ITGA3: variants seen among roughly 807,000 people sequenced by gnomAD.
The protein encoded by ITGA3 is integrin subunit alpha 3.
ITGA3 carries 70 observed loss-of-function variants against 131.1 expected under a neutral mutation model. That is an observed-to-expected ratio of 0.53 (90% CI 0.44 to 0.65). The LOEUF (loss-of-function observed/expected upper bound fraction) is 0.65, where lower values mean the gene tolerates loss of function less well. ITGA3 is among the 30% of genes least tolerant of loss of function. The pLI is 0.00. For synonymous variants in ITGA3, 537 were observed against 571.6 expected, an observed-to-expected ratio of 0.94 and a Z score of 0.86; for missense variants, 1,098 against 1,388.6, an observed-to-expected ratio of 0.79 and a Z score of 3.33.
chr17:50,068,814 TTTTATTTATTTATTTATTTA>T (rs373411924), intron 4 of ITGA3, among the ~76,000 whole-genome samples: 1 of 118,704 alleles, frequency 8.4e-6, no homozygotes, highest in Admixed American at 9.0e-5. Flanking sequence ...AATCAGTCTT[TTTTATTTATTTATTTATTTA>T]TTTATTTATT....
rs981868679 is a variant in ITGA3 at position 50,087,770 on chromosome 17, G to A, written c.2946G>A (p.Leu982=). Residue 982 remains leucine, a synonymous_variant, in exon 24 of 26, where the codon CTG becomes CTA. Transcript: ENST00000320031. Reference sequence around the variant, plus strand: ...TCTCTGTGGACATTGACTCGGAGCTGGTGGAGGAGCTGCCGGCCGAAATCG... The same window carrying A: ...TCTCTGTGGACATTGACTCGGAGCTAGTGGAGGAGCTGCCGGCCGAAATCG... ...TWFSVDIDSE[L]VEELPAEIEL... The A allele has an allele frequency of 6.2e-7, 1 of 1,613,368 alleles. No individual in the cohort carries two copies. The highest frequency in any genetic ancestry group is 8.5e-7 in the Non-Finnish European group (1 of 1,179,834).
At chr17:50,073,618 A>G (rs1017624970) in intron 7 of ITGA3, among the ~76,000 whole-genome samples, 22 of 137,312 alleles carry the variant, frequency 1.6e-4, no homozygotes, top group Non-Finnish European at 2.5e-4. Flanking sequence ...ACACACACAC[A>G]CACACACACA....
intron 10 of ITGA3, 62 bp downstream of exon 10, chr17:50,074,596 C>G (rs1163783287): frequency 1.2e-5 from 14 of 1,167,542 alleles, no homozygotes; most frequent in Non-Finnish European, 1.7e-5. Context: ...GGGGCTGCAG[C>G]TCCCAAACCC....
chr17:50,064,768 C>G lies in ITGA3; in HGVS notation c.414+161C>G, dbSNP rs373846956. ...GTGGCTGTGTGTCCCTCGCTCTCTG[C>G]ACTCCTGGGGAGGGGGTGAGTATCC... On this transcript the variant is annotated intron_variant, in intron 3 of 25. Transcript: ENST00000320031. This position sits in a 1 kb window ranked among gnomAD's most constrained non-coding sequence, Gnocchi z 4.4. 1 of 592,038 alleles carries G rather than the reference C, an allele frequency of 1.7e-6. No individual in the cohort carries two copies. 36.7% of individuals were successfully genotyped at this position (592,038 alleles called of 1,614,324 possible). A position where few individuals can be genotyped will look rare whatever the true frequency, so the allele number is the denominator to read the frequency against.
chr17:50,081,650 G>A (rs1301194508), intron 23 of ITGA3, among the ~76,000 whole-genome samples: 2 of 152,174 alleles, frequency 1.3e-5, no homozygotes, highest in Non-Finnish European at 2.9e-5. Flanking sequence ...TGTGCAGCCA[G>A]GGCTGAGAAC....
At chr17:50,083,630 A>G (rs1006704159) in intron 23 of ITGA3, among the ~76,000 whole-genome samples, 4 of 150,912 alleles carry the variant, frequency 2.7e-5, no homozygotes, top group African/African-American at 9.8e-5. Flanking sequence ...AGGCTGAGGC[A>G]GGAGAATCGC....
chr17:50,085,442 A>C (rs1909345136), intron 23 of ITGA3, among the ~76,000 whole-genome samples: 1 of 151,770 alleles, frequency 6.6e-6, no homozygotes, highest in African/African-American at 2.4e-5. Context: ...AGGCAGGTGG[A>C]CCACTTGAGG....
intron 4 of ITGA3, among the ~76,000 whole-genome samples, chr17:50,068,814 T>TTTTATTTA (rs373411924): frequency 0.026 from 3,066 of 118,620 alleles, 51 homozygotes; most frequent in Admixed American, 0.04. Context: ...AATCAGTCTT[T>TTTTATTTA]TTTATTTATT....
At chr17:50,069,493 T>C (rs1156597746) in intron 4 of ITGA3, among the ~76,000 whole-genome samples, 1 of 152,014 alleles carries the variant, frequency 6.6e-6, no homozygotes, top group African/African-American at 2.4e-5. Context: ...TAGGGAGACC[T>C]TGTCTCTACA....
At position 50,064,252 on chromosome 17, in the gene ITGA3, G is replaced by C; in HGVS notation, c.334+48G>C. On this transcript the variant is annotated intron_variant, in intron 2 of 25. Transcript: ENST00000320031. The surrounding 1 kb of genome is among the most constrained non-coding windows in gnomAD (Gnocchi z 4.4). ...GGGTGCTGGGTCAGAGGTCTGGCAG[G>C]GGGGTACCGCAGAGAGAATGGCCTG... is the stretch of plus-strand genomic sequence containing the variant. 2 of 1,571,194 alleles carry C rather than the reference G, an allele frequency of 1.3e-6. No homozygotes were observed. Among genetic ancestry groups the C allele is most frequent in the African/African-American group, 1.3e-5 (1 of 74,230 alleles).
chr17:50,088,115 A>G, intron 24 of ITGA3, 110 bp from the exon 25 acceptor site: 1 of 1,398,914 alleles, frequency 7.1e-7, no homozygotes, highest in Non-Finnish European at 9.5e-7. Flanking sequence ...GCTGGGACTG[A>G]GCCCCAGCCC....
At chr17:50,063,784 C>T (rs974305763) in intron 1 of ITGA3, 1 of 402,126 alleles carries the variant, frequency 2.5e-6, no homozygotes, top group African/African-American at 2.0e-5. Context: ...ACCTGGAGAA[C>T]CCTGGTGATT....
chr17:50,087,523 A>G (rs1372910153), intron 23 of ITGA3: 2 of 493,922 alleles, frequency 4.0e-6, no homozygotes, highest in Admixed American at 3.2e-5. Flanking sequence ...CACCTCCCAG[A>G]TCTGAGGCCG....
chr17:50,078,856 G>A lies in ITGA3; in HGVS notation c.2330G>A (p.Gly777Glu), dbSNP rs1476552390. Reference sequence around the variant, plus strand: ...CACCGGCTACAAAGCTTCTTTGGGGGGACAGTGATGGGTGAGTCTGGCATG... The same window carrying A: ...CACCGGCTACAAAGCTTCTTTGGGGAGACAGTGATGGGTGAGTCTGGCATG... ...VNHRLQSFFGGTVMGESGMKT... is the reference protein window; with the variant it reads ...VNHRLQSFFGETVMGESGMKT... Residue 777 changes from glycine to glutamate, a missense_variant, in exon 19 of 26, where the codon GGG becomes GAG. By Grantham distance (98) the Gly-to-Glu change is moderately conservative. Coordinates refer to ENST00000320031, the MANE Select transcript of ITGA3 (RefSeq NM_002204.4). The A allele has an allele frequency of 6.2e-7, 1 of 1,613,016 alleles. No individual in the cohort carries two copies. Among genetic ancestry groups the A allele is most frequent in the Admixed American group, 1.7e-5 (1 of 60,016 alleles).
chr17:50,087,305 G>C (rs1444521751), intron 23 of ITGA3: 1 of 156,634 alleles, frequency 6.4e-6, no homozygotes, highest in Non-Finnish European at 1.4e-5. Flanking sequence ...TAGCAAACCT[G>C]GGCTAGAACC....
Position 50,074,470 on chromosome 17 carries a change from G to T in ITGA3, c.1405G>T (p.Val469Phe). The change falls in exon 10 of 26, where the codon GTC (valine) becomes TTC (phenylalanine). Residue 469 changes from valine (V) to phenylalanine (F), a missense_variant. Around this residue, in one of 3 missense-constraint regions of ITGA3, gnomAD observed 699 missense variants for 829.2 expected, o/e 0.84. Coordinates refer to ENST00000320031, the MANE Select transcript of ITGA3 (RefSeq NM_002204.4). ...LLRARPVINIVHKTLVPRPAV... is the reference protein window; with the variant it reads ...LLRARPVINIFHKTLVPRPAV... Reference sequence around the variant, plus strand: ...CAGGGCCCGGCCCGTCATCAACATCGTCCACAAGACCTTGGTGCCCAGGCC... The same window carrying T: ...CAGGGCCCGGCCCGTCATCAACATCTTCCACAAGACCTTGGTGCCCAGGCC... The T allele has an allele frequency of 1.2e-6, 2 of 1,614,018 alleles. No individual in the cohort carries two copies. The highest frequency in any genetic ancestry group is 2.2e-5 in the South Asian group (2 of 91,082).
chr17:50,075,611 C>G lies in ITGA3; in HGVS notation c.1550C>G (p.Thr517Ser). The G allele has an allele frequency of 2.5e-6, 4 of 1,614,254 alleles. No individual in the cohort carries two copies. The highest frequency in any genetic ancestry group is 3.4e-6 in the Non-Finnish European group (4 of 1,180,042). Residue 517 changes from threonine (T) to serine (S), a missense_variant, in exon 12 of 26, where the codon ACT (threonine) becomes AGT (serine). Physicochemically the swap from Thr to Ser is moderately conservative, Grantham distance 58. Around this residue, in one of 3 missense-constraint regions of ITGA3, gnomAD observed 699 missense variants for 829.2 expected, o/e 0.84. Coordinates refer to ENST00000320031, the MANE Select transcript of ITGA3 (RefSeq NM_002204.4). ...TGTCTACCTGTAGCCCTGGCCTACA[C>G]TCTGGAGGCTGACAGGGACCGCCGG... ...NYRRNITLAYTLEADRDRRPP... is the reference protein window; with the variant it reads ...NYRRNITLAYSLEADRDRRPP...
chr17:50,070,400 C>A (rs570831269), intron 4 of ITGA3, among the ~76,000 whole-genome samples: 2 of 152,088 alleles, frequency 1.3e-5, no homozygotes, highest in Non-Finnish European at 2.9e-5. Flanking sequence ...AATCCCAGCA[C>A]TTTGGGAGGC....
rs371655061 is a variant in ITGA3 at position 50,064,486 on chromosome 17, T to C, written c.335-42T>C. 2.8e-5 allele frequency: 44 copies of C among 1,574,370 alleles called. No individual in the cohort carries two copies. Among genetic ancestry groups the C allele is most frequent in the Non-Finnish European group, 3.8e-5 (44 of 1,157,606 alleles). ...TCTGGAGACTTTGGGCACTGAAGTA[T>C]GGGTGAGGTGCTCTGATTCATGATC... is the stretch of plus-strand genomic sequence containing the variant. On this transcript the variant is annotated intron_variant, in intron 2 of 25. Coordinates refer to ENST00000320031, the MANE Select transcript of ITGA3 (RefSeq NM_002204.4). The surrounding 1 kb of genome is among the most constrained non-coding windows in gnomAD (Gnocchi z 4.4).
Sources: gnomAD v4.1 joint callset for allele counts (sites outside exome capture counted in the v4.1 genomes callset) on GRCh38, gnomAD v4.1.1 for gene constraint, gnomAD v4.1.1 regional missense constraint, Gnocchi (gnomAD v3.1) non-coding constraint, MANE v1.5 for transcripts, NCBI Gene and HGNC (gene_info 2026-07-23, HGNC 2026-07-21) for gene names.